The following PTPRD variants were observed in gnomAD, a reference collection of about 807,000 sequenced individuals.
PTPRD encodes the protein protein tyrosine phosphatase receptor type D, also known as receptor-type tyrosine-protein phosphatase delta.
A neutral mutation model predicts 214.5 loss-of-function variants in PTPRD; 34 were observed. That is an observed-to-expected ratio of 0.16 (90% CI 0.12 to 0.21). The LOEUF (loss-of-function observed/expected upper bound fraction) is 0.21. PTPRD is among the 10% of genes least tolerant of loss of function. PTPRD has a pLI of 1.00. For missense variants in PTPRD, 2,545 were observed against 2,398.7 expected (o/e 1.06, Z -1.27); for synonymous variants, 1,128 against 845.7 (o/e 1.33, Z -5.79).
chr9:9,025,276 A>G (rs1437783659), intron 10 of PTPRD, among the ~76,000 whole-genome samples: 1 of 152,012 alleles, frequency 6.6e-6, no homozygotes, highest in African/African-American at 2.4e-5. Context: ...TAAGATTAAG[A>G]CAAGAGCCAG....
At chr9:10,567,785 C>T (rs2066085349) in intron 2 of PTPRD, among the ~76,000 whole-genome samples, 1 of 151,598 alleles carries the variant, frequency 6.6e-6, no homozygotes, top group Non-Finnish European at 1.5e-5. Context: ...CAGTATTTAA[C>T]CTTCTAATTA....
intron 2 of PTPRD, among the ~76,000 whole-genome samples, chr9:10,575,041 T>C (rs1196196980): frequency 6.6e-6 from 1 of 151,934 alleles, no homozygotes; most frequent in African/African-American, 2.4e-5. Context: ...TTTTAATGTA[T>C]GAGAAATATT....
intron 14 of PTPRD, among the ~76,000 whole-genome samples, chr9:8,588,420 A>G (rs1278049300): frequency 6.6e-6 from 1 of 152,224 alleles, no homozygotes. Context: ...TGGAAGTTCA[A>G]GTCTCCAACA....
chr9:8,820,069 G>C (rs1404178112), intron 11 of PTPRD, among the ~76,000 whole-genome samples: 1 of 152,138 alleles, frequency 6.6e-6, no homozygotes, highest in African/African-American at 2.4e-5. Flanking sequence ...GTTTGTAAGA[G>C]CAGAGAAAAA....
At chr9:9,444,779 T>C (rs1340524516) in intron 8 of PTPRD, among the ~76,000 whole-genome samples, 1 of 152,166 alleles carries the variant, frequency 6.6e-6, no homozygotes, top group African/African-American at 2.4e-5. Flanking sequence ...GTAACTTTTA[T>C]ATTTTAATTT....
At chr9:9,027,250 C>A (rs187947842) in intron 10 of PTPRD, among the ~76,000 whole-genome samples, 2 of 151,822 alleles carry the variant, frequency 1.3e-5, no homozygotes, top group Non-Finnish European at 2.9e-5. Context: ...AGGCTCTCTG[C>A]CTGCATTTAA....
chr9:9,570,544 A>G (rs547273930), intron 8 of PTPRD, among the ~76,000 whole-genome samples: 21 of 151,618 alleles, frequency 1.4e-4, no homozygotes, highest in African/African-American at 4.3e-4. Flanking sequence ...CTTATGCTCT[A>G]TTTCTCAGAT....
intron 3 of PTPRD, among the ~76,000 whole-genome samples, chr9:10,149,317 G>C (rs1386558629): frequency 6.6e-6 from 1 of 152,166 alleles, no homozygotes; most frequent in African/African-American, 2.4e-5. Flanking sequence ...CATAAACTGG[G>C]AGAATCTGGG....
chr9:10,050,433 G>A (rs972784592), intron 3 of PTPRD, among the ~76,000 whole-genome samples: 5 of 150,924 alleles, frequency 3.3e-5, no homozygotes, highest in Non-Finnish European at 4.4e-5. Flanking sequence ...GGTGGCGCGC[G>A]TCTGTAGTCC....
chr9:8,968,382 G>T lies in PTPRD; in HGVS notation c.-104+50315C>A, dbSNP rs1052730594. ...TTACAGTCCCACCAACAGTGTAAAA[G>T]TGTTCCTATTTCTCCACATCCTCTC... On this transcript the variant is annotated intron_variant, in intron 11 of 45. Coordinates refer to ENST00000381196, the MANE Select transcript of PTPRD (RefSeq NM_002839.4). Among the ~76,000 whole-genome samples the T allele has an allele frequency of 3.3e-5, 5 of 151,880 alleles. No homozygotes were observed. The East Asian group carries it at 9.7e-4, about 30-fold the overall frequency.
At chr9:9,935,659 A>C (rs2088998289) in intron 5 of PTPRD, among the ~76,000 whole-genome samples, 1 of 148,004 alleles carries the variant, frequency 6.8e-6, no homozygotes, top group African/African-American at 2.7e-5. Flanking sequence ...GCCCAAGGTA[A>C]TTTACAGATT....
chr9:8,949,770 G>A (rs367903803), intron 11 of PTPRD, among the ~76,000 whole-genome samples: 56 of 152,192 alleles, frequency 3.7e-4, no homozygotes, highest in African/African-American at 1.3e-3. Flanking sequence ...GAAACATTGT[G>A]GGATTGTTGT....
intron 29 of PTPRD, among the ~76,000 whole-genome samples, chr9:8,484,914 G>A (rs904454406): frequency 6.6e-6 from 1 of 152,156 alleles, no homozygotes; most frequent in African/African-American, 2.4e-5. Context: ...ATATAAATAG[G>A]TAGAAACCAT....
intron 3 of PTPRD, among the ~76,000 whole-genome samples, chr9:10,175,066 C>G (rs543395373): frequency 1.3e-5 from 2 of 152,170 alleles, no homozygotes; most frequent in South Asian, 4.1e-4. Flanking sequence ...AATGATTCTT[C>G]TTTATTTGAC....
At chr9:8,919,307 C>G (rs750483090) in intron 11 of PTPRD, among the ~76,000 whole-genome samples, 8 of 150,802 alleles carry the variant, frequency 5.3e-5, no homozygotes, top group Non-Finnish European at 4.4e-5. Context: ...GCAGGAGAAT[C>G]GCTTGAACCT....
At chr9:9,718,547 T>C (rs2097875457) in intron 7 of PTPRD, among the ~76,000 whole-genome samples, 1 of 152,150 alleles carries the variant, frequency 6.6e-6, no homozygotes, top group South Asian at 2.1e-4. Flanking sequence ...GACCCAGGCA[T>C]CCCTGTGCTC....
At chr9:10,423,799 T>C (rs12344987) in intron 2 of PTPRD, among the ~76,000 whole-genome samples, 13,011 of 152,074 alleles carry the variant, frequency 0.086, 1,301 homozygotes, top group East Asian at 0.55. Flanking sequence ...GTCCATGACG[T>C]GTATACAGAC....
At chr9:8,650,319 T>C (rs1344323174) in intron 12 of PTPRD, among the ~76,000 whole-genome samples, 2 of 151,832 alleles carry the variant, frequency 1.3e-5, no homozygotes, top group East Asian at 2.0e-4. Context: ...CACCTGAGGT[T>C]AGGAGTTTGA....
At chr9:10,470,873 T>C (rs2099026205) in intron 2 of PTPRD, among the ~76,000 whole-genome samples, 1 of 152,018 alleles carries the variant, frequency 6.6e-6, no homozygotes, top group South Asian at 2.1e-4. Flanking sequence ...GCAGCACTAT[T>C]CACAATAGCA....
Sources: gnomAD v4.1 joint callset for allele counts (sites outside exome capture counted in the v4.1 genomes callset) on GRCh38, gnomAD v4.1.1 for gene constraint, MANE v1.5 for transcripts, NCBI Gene and HGNC (gene_info 2026-07-23, HGNC 2026-07-21) for gene names.